The following NOVA1 variants were observed in gnomAD, a reference collection of about 807,000 sequenced individuals.
The protein encoded by NOVA1 is RNA-binding protein Nova-1.
Under a neutral mutation model 38.0 loss-of-function variants are expected in NOVA1, and 7 were observed. That is an observed-to-expected ratio of 0.18 (90% CI 0.10 to 0.35). The LOEUF is 0.35. Among genes scored for constraint, NOVA1 ranks in the 10% least tolerant of loss-of-function variants. The probability of loss-of-function intolerance (pLI) is 1.00; values close to 1 mark genes in which losing one functional copy is unlikely to be tolerated. For synonymous variants in NOVA1, 270 were observed against 232.5 expected, an observed-to-expected ratio of 1.16 and a Z score of -1.47; for missense variants, 460 against 616.0, an observed-to-expected ratio of 0.75 and a Z score of 2.68.
intron 2 of NOVA1, among the ~76,000 whole-genome samples, chr14:26,551,857 T>C (rs1891180822): frequency 6.6e-6 from 1 of 152,032 alleles, no homozygotes; most frequent in South Asian, 2.1e-4. Flanking sequence ...CATTCATACA[T>C]ACATATCCTC....
At chr14:26,479,580 T>A (rs1885267166) in intron 3 of NOVA1, 1 of 181,662 alleles carries the variant, frequency 5.5e-6, no homozygotes, top group Non-Finnish European at 1.1e-5. Context: ...ATAATAACTA[T>A]CCTGAAAACT....
chr14:26,448,268 T>C lies in NOVA1; in HGVS notation c.1215A>G (p.Leu405=). ...TNGYFGAASP[L]AASAILGTEK... is the part of the protein sequence containing the mutation. ...CTGTTCCTAGAATGGCACTGGCAGC[T>C]AGGGGAGAAGCAGCTCCAAAATATC... The change falls in exon 5 of 5, where the codon CTA becomes CTG. Residue 405 remains leucine (L), a synonymous_variant. Transcript: ENST00000539517. The surrounding 1 kb of genome is among the most constrained non-coding windows in gnomAD (Gnocchi z 5.3). 6.2e-7 allele frequency: 1 copy of C among 1,614,182 alleles called. No individual in the cohort carries two copies. Among genetic ancestry groups the C allele is most frequent in the African/African-American group, 1.3e-5 (1 of 75,046 alleles).
At chr14:26,471,392 T>C (rs1884577542) in intron 4 of NOVA1, among the ~76,000 whole-genome samples, 1 of 151,710 alleles carries the variant, frequency 6.6e-6, no homozygotes, top group African/African-American at 2.4e-5. Context: ...ATATGAAAAA[T>C]ATATTAAACA....
At position 26,540,167 on chromosome 14, in the gene NOVA1, T is replaced by C. The variant is rs540416175; in HGVS notation, c.280+55243A>G. Among the ~76,000 whole-genome samples, 95 of 152,228 alleles carry C rather than the reference T, an allele frequency of 6.2e-4. 1 individual carries two copies. Among genetic ancestry groups the C allele is most frequent in the African/African-American group, 2.3e-3 (94 of 41,546 alleles). On this transcript the variant is annotated intron_variant, in intron 2 of 4. Transcript: ENST00000539517. ...CCCCCACACCCCTTCCCTGACCTAT[T>C]AGGAGCCTGACCACACAAAGGAGGT...
intron 2 of NOVA1, among the ~76,000 whole-genome samples, chr14:26,582,027 T>A (rs1270814107): frequency 6.6e-6 from 1 of 151,852 alleles, no homozygotes; most frequent in Non-Finnish European, 1.5e-5. Flanking sequence ...AGTTGTATAG[T>A]CTAAAGAATT....
chr14:26,481,868 A>G (rs1885479335), intron 2 of NOVA1, among the ~76,000 whole-genome samples: 1 of 152,068 alleles, frequency 6.6e-6, no homozygotes. Context: ...TAGCTAATAC[A>G]AAGTGTTCTT....
intron 3 of NOVA1, among the ~76,000 whole-genome samples, chr14:26,476,004 A>G (rs1884956360): frequency 6.6e-6 from 1 of 152,184 alleles, no homozygotes; most frequent in Non-Finnish European, 1.5e-5. Flanking sequence ...TTCAAAATCT[A>G]TTACTAGTGA....
In NOVA1 at chr14:26,498,911, A is replaced by G. The variant is rs149514510; in HGVS notation, c.281-18768T>C. ...CACAACTTGGGTGGAATTGGAGAAT[A>G]TTATGCTAAGTGAAATAAGCCAGCC... On this transcript the variant is annotated intron_variant, in intron 2 of 4. Transcript: ENST00000539517. Among the ~76,000 whole-genome samples, 53 of 152,338 alleles carry G rather than the reference A, an allele frequency of 3.5e-4. 1 individual carries two copies. The East Asian group carries it at 8.7e-3, about 25-fold the overall frequency.
intron 2 of NOVA1, among the ~76,000 whole-genome samples, chr14:26,551,282 T>C (rs1406565725): frequency 6.6e-6 from 1 of 152,020 alleles, no homozygotes; most frequent in East Asian, 1.9e-4. Flanking sequence ...AATAGTAACT[T>C]GAAGGGATAG....
chr14:26,548,327 C>A (rs568411340), intron 2 of NOVA1, among the ~76,000 whole-genome samples: 1 of 152,058 alleles, frequency 6.6e-6, no homozygotes, highest in South Asian at 2.1e-4. Flanking sequence ...AGTAAACAAA[C>A]TGTAGAATGA....
intron 2 of NOVA1, among the ~76,000 whole-genome samples, chr14:26,518,437 T>G (rs1348314369): frequency 6.6e-6 from 1 of 152,008 alleles, no homozygotes; most frequent in Non-Finnish European, 1.5e-5. Context: ...AATAACACCT[T>G]ATCACTTTAA....
chr14:26,555,997 G>T (rs1399546607), intron 2 of NOVA1, among the ~76,000 whole-genome samples: 1 of 152,056 alleles, frequency 6.6e-6, no homozygotes. Context: ...TCCAATGAAA[G>T]AAATCAAAGA....
At chr14:26,569,139 G>A (rs921115307) in intron 2 of NOVA1, among the ~76,000 whole-genome samples, 3 of 152,112 alleles carry the variant, frequency 2.0e-5, no homozygotes, top group African/African-American at 7.2e-5. Flanking sequence ...GGTGGCAAGA[G>A]TGAGAACCAG....
intron 2 of NOVA1, among the ~76,000 whole-genome samples, chr14:26,533,197 C>T (rs935277838): frequency 1.6e-4 from 25 of 152,122 alleles, no homozygotes; most frequent in Admixed American, 1.5e-3. Flanking sequence ...CCTCATCTAC[C>T]GTATCCAATC....
At chr14:26,558,174 TTA>T (rs1030187897) in intron 2 of NOVA1, among the ~76,000 whole-genome samples, 1 of 150,294 alleles carries the variant, frequency 6.7e-6, no homozygotes. Context: ...TTTACAAATC[TTA>T]TATATATATA....
At chr14:26,528,921 G>C (rs1269919837) in intron 2 of NOVA1, among the ~76,000 whole-genome samples, 2 of 152,138 alleles carry the variant, frequency 1.3e-5, no homozygotes, top group Non-Finnish European at 2.9e-5. Flanking sequence ...AAGCCCTGGA[G>C]TTCCTCCCAG....
intron 2 of NOVA1, among the ~76,000 whole-genome samples, chr14:26,572,610 A>C (rs925616801): frequency 6.6e-6 from 1 of 152,130 alleles, no homozygotes; most frequent in African/African-American, 2.4e-5. Flanking sequence ...AGCATTAAAA[A>C]TATAGGATGT....
At chr14:26,511,644 C>T (rs1441768048) in intron 2 of NOVA1, among the ~76,000 whole-genome samples, 2 of 151,664 alleles carry the variant, frequency 1.3e-5, no homozygotes, top group Non-Finnish European at 2.9e-5. Context: ...CCCAGCTACT[C>T]GGGAGGCTGA....
intron 2 of NOVA1, among the ~76,000 whole-genome samples, chr14:26,544,891 C>T (rs2138614430): frequency 6.6e-6 from 1 of 152,122 alleles, no homozygotes; most frequent in South Asian, 2.1e-4. Context: ...GAGTCTATCT[C>T]TTCTAATAAA....
Sources: gnomAD v4.1 joint callset for allele counts (sites outside exome capture counted in the v4.1 genomes callset) on GRCh38, gnomAD v4.1.1 for gene constraint, Gnocchi (gnomAD v3.1) non-coding constraint, MANE v1.5 for transcripts, NCBI Gene and HGNC (gene_info 2026-07-23, HGNC 2026-07-21) for gene names.